Variants in KLRG2 observed in about 807,000 individuals in gnomAD.
KLRG2 encodes killer cell lectin like receptor G2.
Under a neutral mutation model 35.4 loss-of-function variants are expected in KLRG2, and 39 were observed. That is an observed-to-expected ratio of 1.10 (90% CI 0.85 to 1.44). KLRG2 has a LOEUF of 1.44. KLRG2 is among the 40% of genes most tolerant of loss of function. The probability of loss-of-function intolerance (pLI) is 0.00; values close to 1 mark genes in which losing one functional copy is unlikely to be tolerated. For synonymous variants in KLRG2, 283 were observed against 265.8 expected (o/e 1.06, Z -0.63); for missense variants, 632 against 570.9 (o/e 1.11, Z -1.09).
At chr7:139,481,398 CA>C (rs2116487396) in intron 1 of KLRG2, among the ~76,000 whole-genome samples, 1 of 152,336 alleles carries the variant, frequency 6.6e-6, no homozygotes, top group South Asian at 2.1e-4. Context: ...TCAAACTCTG[CA>C]AAAGTTCCTG....
intron 3 of KLRG2, among the ~76,000 whole-genome samples, chr7:139,470,012 A>C (rs974202274): frequency 3.9e-5 from 6 of 152,176 alleles, no homozygotes; most frequent in African/African-American, 1.2e-4. Context: ...ATCAACAAGA[A>C]AAAGACCGAG....
chr7:139,467,969 G>A (rs1796694332), intron 3 of KLRG2, among the ~76,000 whole-genome samples: 1 of 152,230 alleles, frequency 6.6e-6, no homozygotes, highest in African/African-American at 2.4e-5. Flanking sequence ...CATCTACTGA[G>A]ATAGGGGAAA....
At chr7:139,436,188 C>T in the KLRG2 span, among the ~76,000 whole-genome samples, 1 of 152,160 alleles carries the variant, frequency 6.6e-6, no homozygotes, top group African/African-American at 2.4e-5. Context: ...CAAGCATGAG[C>T]CATTGTGCCT....
the KLRG2 span, among the ~76,000 whole-genome samples, chr7:139,442,409 C>T: frequency 1.3e-5 from 2 of 152,176 alleles, no homozygotes; most frequent in Non-Finnish European, 2.9e-5. Flanking sequence ...CTAGACTTGC[C>T]TCATTCAAAG....
chr7:139,454,680 G>A (rs1432709504), intron 3 of KLRG2, among the ~76,000 whole-genome samples: 3 of 151,874 alleles, frequency 2.0e-5, no homozygotes, highest in African/African-American at 7.3e-5. Context: ...GCTGGGCATG[G>A]TGGCGGGCGC....
chr7:139,472,828 T>TCCTAA, intron 3 of KLRG2, among the ~76,000 whole-genome samples: 1 of 152,270 alleles, frequency 6.6e-6, no homozygotes, highest in Non-Finnish European at 1.5e-5. Flanking sequence ...CGGTTGAAAG[T>TCCTAA]CTGTAAAAGA....
chr7:139,433,661 C>T, the KLRG2 span, among the ~76,000 whole-genome samples: 1 of 133,962 alleles, frequency 7.5e-6, no homozygotes, highest in African/African-American at 3.0e-5. Flanking sequence ...GAGTCTTGCT[C>T]TGTCACCCAG....
chr7:139,429,437 CAG>C, the KLRG2 span, among the ~76,000 whole-genome samples: 1 of 149,212 alleles, frequency 6.7e-6, no homozygotes. Flanking sequence ...GGGGATTTGG[CAG>C]AGTCACAGGA....
intron 3 of KLRG2, among the ~76,000 whole-genome samples, chr7:139,475,876 C>T (rs1448189672): frequency 6.6e-6 from 1 of 151,770 alleles, no homozygotes; most frequent in African/African-American, 2.4e-5. Flanking sequence ...GGATCTGAAG[C>T]TATCTCCGGG....
At chr7:139,482,362 G>A (rs1286469739) in intron 1 of KLRG2, among the ~76,000 whole-genome samples, 1 of 152,094 alleles carries the variant, frequency 6.6e-6, no homozygotes, top group Non-Finnish European at 1.5e-5. Context: ...GTTCGGGAGT[G>A]CGGGTAGGGG....
chr7:139,458,588 A>T (rs1238721569), intron 3 of KLRG2, among the ~76,000 whole-genome samples: 4 of 151,934 alleles, frequency 2.6e-5, no homozygotes, highest in Non-Finnish European at 5.9e-5. Flanking sequence ...GGCAACAGCC[A>T]TTCTACTCTC....
At position 139,483,410 on chromosome 7, in the gene KLRG2, G is replaced by A; in HGVS notation, c.233C>T (p.Pro78Leu). 1 of 1,543,974 alleles carries A rather than the reference G, an allele frequency of 6.5e-7. No individual in the cohort carries two copies. The highest frequency in any genetic ancestry group is 8.6e-7 in the Non-Finnish European group (1 of 1,158,090). Reference protein sequence around the residue: ...KKPPSPRPGSPRVPPLSLGYG... With the variant: ...KKPPSPRPGSLRVPPLSLGYG... ...GCCCAGGCTGAGCGGCGGCACGCGC[G>A]GGGACCCGGGGCGAGGCGAAGGCGG... The change falls in exon 1 of 5, where the codon CCG becomes CTG. Residue 78 changes from proline (P) to leucine (L), a missense_variant. By Grantham distance (98) the Pro-to-Leu change is moderately conservative. Coordinates refer to ENST00000340940, the MANE Select transcript of KLRG2 (RefSeq NM_198508.4).
chr7:139,453,807 G>T, intron 4 of KLRG2, 100 bp from the exon 5 acceptor site: 1 of 1,390,810 alleles, frequency 7.2e-7, no homozygotes, highest in Non-Finnish European at 9.9e-7. Context: ...ACCTCTACCG[G>T]CCTGGGCACT....
In KLRG2 at chr7:139,463,628, G is replaced by A. The variant is rs140902925; in HGVS notation, c.1006-9414C>T. Among the ~76,000 whole-genome samples the A allele has an allele frequency of 3.5e-3, 539 of 152,294 alleles. 2 individuals carry two copies. The highest frequency in any genetic ancestry group is 0.012 in the African/African-American group (509 of 41,566). ...CAGCCCAGGATTCCTCCTAAGCCGT[G>A]TCCCATGTGTATGGGACCCCACTGG... On this transcript the variant is annotated intron_variant, in intron 3 of 4. Coordinates refer to ENST00000340940, the MANE Select transcript of KLRG2 (RefSeq NM_198508.4).
At chr7:139,474,358 G>A (rs572153109) in intron 3 of KLRG2, among the ~76,000 whole-genome samples, 2 of 152,284 alleles carry the variant, frequency 1.3e-5, no homozygotes, top group South Asian at 4.1e-4. Context: ...AAGACTAAGA[G>A]CTGACAGTCA....
At chr7:139,441,525 T>A in the KLRG2 span, among the ~76,000 whole-genome samples, 1 of 151,984 alleles carries the variant, frequency 6.6e-6, no homozygotes, top group Non-Finnish European at 1.5e-5. Flanking sequence ...AATGTAAAAG[T>A]TGATGGGTGC....
rs1370665911 is a variant in KLRG2, at chr7:139,480,202, A to G, written c.803T>C (p.Met268Thr). 1.2e-6 allele frequency: 2 copies of G among 1,613,718 alleles called. No individual in the cohort carries two copies. The highest frequency in any genetic ancestry group is 8.5e-7 in the Non-Finnish European group (1 of 1,179,864). ...VKSLYWALAF[M>T]AVLLAVSGVV... Reference sequence around the variant, plus strand: ...CCCAGAGACTGCCAGGAGCACAGCCATGAACGCCAGGGCCCAGTACAGGGA... The same window carrying G: ...CCCAGAGACTGCCAGGAGCACAGCCGTGAACGCCAGGGCCCAGTACAGGGA... The change falls in exon 2 of 5, where the codon ATG becomes ACG. Residue 268 changes from methionine to threonine, a missense_variant. Transcript: ENST00000340940.
At chr7:139,428,934 T>A in the KLRG2 span, among the ~76,000 whole-genome samples, 24 of 152,344 alleles carry the variant, frequency 1.6e-4, no homozygotes, top group African/African-American at 4.6e-4. Context: ...CACTGTTAGA[T>A]CTAAGTAGAT....
chr7:139,453,443 A>C lies in KLRG2; in HGVS notation c.*144T>G, dbSNP rs1474810183. On this transcript the variant is annotated 3_prime_UTR_variant, in exon 5 of 5. Coordinates refer to ENST00000340940, the MANE Select transcript of KLRG2 (RefSeq NM_198508.4). Reference sequence around the variant, plus strand: ...CTTCCTGGGTTGAAGTCCAGCTCCTAGGCTCGCTCATGTGGCCCCCTTGAG... The same window carrying C: ...CTTCCTGGGTTGAAGTCCAGCTCCTCGGCTCGCTCATGTGGCCCCCTTGAG... 6 of 801,734 alleles carry C rather than the reference A, an allele frequency of 7.5e-6. No homozygotes were observed. Among genetic ancestry groups the C allele is most frequent in the East Asian group, 2.8e-5 (1 of 36,330 alleles). The allele number at this position is 801,734 out of a possible 1,614,324, so 49.7% of individuals were successfully genotyped here.
Sources: allele counts gnomAD v4.1 joint callset (sites outside exome capture counted in the v4.1 genomes callset), GRCh38; gene constraint gnomAD v4.1.1; transcripts MANE v1.5; gene names NCBI Gene and HGNC (gene_info 2026-07-23, HGNC 2026-07-21).